C20orf203: variants seen among roughly 807,000 people sequenced by gnomAD.
The protein encoded by C20orf203 is chromosome 20 open reading frame 203.
Under a neutral mutation model 15.9 loss-of-function variants are expected in C20orf203, and 16 were observed. That is an observed-to-expected ratio of 1.01 (90% CI 0.68 to 1.53). The LOEUF (loss-of-function observed/expected upper bound fraction) is 1.53. Among genes scored for constraint, C20orf203 ranks in the 40% most tolerant of loss-of-function variants. The probability of loss-of-function intolerance (pLI) is 0.00; values close to 1 mark genes in which losing one functional copy is unlikely to be tolerated. For synonymous variants in C20orf203, 98 were observed against 97.2 expected (o/e 1.01, Z -0.05); for missense variants, 263 against 247.5 (o/e 1.06, Z -0.42).
At chr20:32,671,824 A>G (rs1983173328) in intron 1 of C20orf203, among the ~76,000 whole-genome samples, 1 of 126,082 alleles carries the variant, frequency 7.9e-6, no homozygotes, top group African/African-American at 3.1e-5. Flanking sequence ...GGGCAACAAG[A>G]GTGAAACTCT....
At chr20:32,656,455 C>T (rs1029659571) in intron 1 of C20orf203, 5 of 152,124 alleles carry the variant, frequency 3.3e-5, no homozygotes, top group African/African-American at 9.7e-5. Context: ...GAATGTAAAA[C>T]GTTTTGGAAA....
At chr20:32,648,234 C>A (rs1982490198) in intron 4 of C20orf203, among the ~76,000 whole-genome samples, 1 of 152,044 alleles carries the variant, frequency 6.6e-6, no homozygotes, top group East Asian at 1.9e-4. Context: ...AGCCTAAGCC[C>A]ATCCTGCCTC....
chr20:32,639,833 A>G (rs183500840), intron 5 of C20orf203, among the ~76,000 whole-genome samples: 1 of 152,202 alleles, frequency 6.6e-6, no homozygotes, highest in Admixed American at 6.5e-5. Flanking sequence ...AGCATACAGA[A>G]CACACAGAAA....
chr20:32,640,095 G>A (rs1010047719), intron 5 of C20orf203, among the ~76,000 whole-genome samples: 2 of 152,164 alleles, frequency 1.3e-5, no homozygotes, highest in Non-Finnish European at 2.9e-5. Context: ...TTATGTAGAT[G>A]TGTATTTATT....
rs763946329 is a variant in C20orf203 at position 32,633,673 on chromosome 20, C to G, written c.*1897G>C. 6 of 240,390 alleles carry G rather than the reference C, an allele frequency of 2.5e-5. No homozygotes were observed. Among genetic ancestry groups the G allele is most frequent in the African/African-American group, 4.5e-5 (2 of 44,744 alleles). 14.9% of individuals were successfully genotyped at this position (240,390 alleles called of 1,614,324 possible). On this transcript the variant is annotated 3_prime_UTR_variant, in exon 6 of 6. Coordinates refer to ENST00000608990, the MANE Select transcript of C20orf203 (RefSeq NM_182584.4). ...CCTGGCACAGGGTCACAATTTGAAC[C>G]TGGACAGGGGCTCCAGAGCCCATGA...
In C20orf203 at chr20:32,633,761, C is replaced by G. The variant is rs1266005606; in HGVS notation, c.*1809G>C. The stretch of plus-strand genomic sequence containing the variant: ...TGGTGGTGCCTCCTGCCTCTGACTC[C>G]TCCGGCCAGTCGCCCTGACAGCCCC... On this transcript the variant is annotated 3_prime_UTR_variant, in exon 6 of 6. Coordinates refer to ENST00000608990, the MANE Select transcript of C20orf203 (RefSeq NM_182584.4). 5.7e-6 allele frequency: 2 copies of G among 348,322 alleles called. No homozygotes were observed. Among genetic ancestry groups the G allele is most frequent in the Non-Finnish European group, 1.0e-5 (2 of 194,670 alleles). 21.6% of individuals were successfully genotyped at this position (348,322 alleles called of 1,614,324 possible). A position where few individuals can be genotyped will look rare whatever the true frequency, so the allele number is the denominator to read the frequency against.
intron 1 of C20orf203, among the ~76,000 whole-genome samples, chr20:32,663,878 G>A (rs1173695185): frequency 6.6e-6 from 1 of 152,244 alleles, no homozygotes; most frequent in Admixed American, 6.5e-5. Flanking sequence ...ACCCCTGCCC[G>A]GGGCCCTCTG....
intron 1 of C20orf203, among the ~76,000 whole-genome samples, chr20:32,659,603 C>T (rs139383576): frequency 7.0e-4 from 107 of 152,350 alleles, no homozygotes; most frequent in Middle Eastern, 6.8e-3. Context: ...TGAGACTGGA[C>T]CTGGCTGGAC....
chr20:32,670,506 C>CA (rs1033573074), intron 1 of C20orf203, among the ~76,000 whole-genome samples: 1 of 149,984 alleles, frequency 6.7e-6, no homozygotes, highest in African/African-American at 2.5e-5. Flanking sequence ...GACTCCGTCT[C>CA]AAAAAAAATA....
At chr20:32,663,685 T>A (rs1215701771) in intron 1 of C20orf203, among the ~76,000 whole-genome samples, 1 of 152,232 alleles carries the variant, frequency 6.6e-6, no homozygotes, top group East Asian at 1.9e-4. Flanking sequence ...GGGCTGGGGC[T>A]GGATGGCAGG....
chr20:32,660,412 G>C (rs1236991940), intron 1 of C20orf203, among the ~76,000 whole-genome samples: 1 of 152,178 alleles, frequency 6.6e-6, no homozygotes, highest in South Asian at 2.1e-4. Flanking sequence ...CCTTTCACTG[G>C]TCAATCGGTT....
chr20:32,653,401 C>T (rs184510218), intron 1 of C20orf203, among the ~76,000 whole-genome samples: 4 of 152,272 alleles, frequency 2.6e-5, no homozygotes, highest in Admixed American at 2.6e-4. Context: ...ATATGGACAG[C>T]TGAACTGTAG....
chr20:32,650,225 C>T lies in C20orf203; in HGVS notation c.*207G>A, dbSNP rs762995945. 2 of 571,874 alleles carry T rather than the reference C, an allele frequency of 3.5e-6. No individual in the cohort carries two copies. Among genetic ancestry groups the T allele is most frequent in the Admixed American group, 6.1e-5 (2 of 32,974 alleles). 35.4% of individuals were successfully genotyped at this position (571,874 alleles called of 1,614,324 possible). A position where few individuals can be genotyped will look rare whatever the true frequency, so the allele number is the denominator to read the frequency against. ...ACCCAGAGCCAGCCTGGCACAGCCT[C>T]GGTCCCTAATCATGTTTGCTGAATG... On this transcript the variant is annotated 3_prime_UTR_variant, in exon 4 of 6. Coordinates refer to ENST00000608990, the MANE Select transcript of C20orf203 (RefSeq NM_182584.4).
In C20orf203 at chr20:32,671,125, T is replaced by C. The variant is rs1345762994; in HGVS notation, c.-264+2507A>G. Among the ~76,000 whole-genome samples, 7 of 151,804 alleles carry C rather than the reference T, an allele frequency of 4.6e-5. No homozygotes were observed. In the East Asian group the frequency reaches 9.7e-4, roughly 21 times the overall value. On this transcript the variant is annotated intron_variant, in intron 1 of 5. Transcript: ENST00000608990. ...GCTGCTACAGAAAACAGTATGGAGG[T>C]TTCTCAAAAAATTAAAAATAGAACT... is the stretch of plus-strand genomic sequence containing the variant.
rs1037573213 is a variant in C20orf203, at chr20:32,641,371, A to G, written c.*1178-684T>C. 9.2e-5 allele frequency among the ~76,000 whole-genome samples: 14 copies of G among 151,760 alleles called. No homozygotes were observed. In the East Asian group the frequency reaches 1.4e-3, roughly 15 times the overall value. On this transcript the variant is annotated intron_variant, in intron 4 of 5. Coordinates refer to ENST00000608990, the MANE Select transcript of C20orf203 (RefSeq NM_182584.4). ...AAAAAAAAGGAAGAAAGAAACAGAC[A>G]TTCAGGACAACTGGGCTGTTTTCAC...
intron 4 of C20orf203, among the ~76,000 whole-genome samples, chr20:32,648,419 T>C (rs1982495676): frequency 6.9e-6 from 1 of 144,196 alleles, no homozygotes; most frequent in Non-Finnish European, 1.5e-5. Context: ...AACCATTGCC[T>C]GAAACTGTCT....
intron 1 of C20orf203, among the ~76,000 whole-genome samples, chr20:32,660,405 T>C (rs922954127): frequency 2.6e-5 from 4 of 152,156 alleles, no homozygotes; most frequent in African/African-American, 9.7e-5. Context: ...TCCATGCCCT[T>C]TCACTGGTCA....
At position 32,650,709 on chromosome 20, in the gene C20orf203, C is replaced by A. The variant is rs1472908241; in HGVS notation, c.308G>T (p.Gly103Val). ...CCTGAGGCCTCCAACTTCCCCCCACCCCTCCCCACCAACCCAAATCCTTTC... is the reference window on the plus strand; with the variant it reads ...CCTGAGGCCTCCAACTTCCCCCCACACCTCCCCACCAACCCAAATCCTTTC... ...YQERIWVGGEGWGEVGGLRLS... is the reference protein window; with the variant it reads ...YQERIWVGGEVWGEVGGLRLS... The change falls in exon 4 of 6, where the codon GGG becomes GTG. Residue 103 changes from glycine to valine, a missense_variant. Transcript: ENST00000608990. 1.3e-6 allele frequency: 2 copies of A among 1,547,412 alleles called. No individual in the cohort carries two copies. Among genetic ancestry groups the A allele is most frequent in the Non-Finnish European group, 1.7e-6 (2 of 1,145,292 alleles).
chr20:32,673,639 C>T lies in C20orf203; in HGVS notation c.-271G>A, dbSNP rs2145686024. ...AGGCTGCATTCCACCCACCTGCAGG[C>T]TCCTCTGCCCGGCATTCATCTGTGC... On this transcript the variant is annotated 5_prime_UTR_variant, in exon 1 of 6. Transcript: ENST00000608990. 6.6e-6 allele frequency: 1 copy of T among 152,628 alleles called. No homozygotes were observed. The highest frequency in any genetic ancestry group is 2.1e-4 in the South Asian group (1 of 4,826). The allele number at this position is 152,628 out of a possible 1,614,324, so 9.5% of individuals were successfully genotyped here. A position where few individuals can be genotyped will look rare whatever the true frequency, so the allele number is the denominator to read the frequency against.
Sources: gnomAD v4.1 joint callset for allele counts (sites outside exome capture counted in the v4.1 genomes callset) on GRCh38, gnomAD v4.1.1 for gene constraint, MANE v1.5 for transcripts, NCBI Gene and HGNC (gene_info 2026-07-23, HGNC 2026-07-21) for gene names.